VPS13D: variants seen among roughly 807,000 people sequenced by gnomAD.
VPS13D encodes the protein intermembrane lipid transfer protein VPS13D.
Under a neutral mutation model 461.9 loss-of-function variants are expected in VPS13D, and 187 were observed. That is an observed-to-expected ratio of 0.40 (90% CI 0.36 to 0.46). The LOEUF (loss-of-function observed/expected upper bound fraction) is 0.46, where lower values mean the gene tolerates loss of function less well. Among genes scored for constraint, VPS13D ranks in the 20% least tolerant of loss-of-function variants. The pLI is 0.60. For missense variants in VPS13D, 4,711 were observed against 5,364.9 expected, an observed-to-expected ratio of 0.88 and a Z score of 3.81; for synonymous variants, 1,951 against 1,986.3, an observed-to-expected ratio of 0.98 and a Z score of 0.47.
At position 12,279,885 on chromosome 1, in the gene VPS13D, C is replaced by T. The variant is rs1049698766; in HGVS notation, c.4602+235C>T. On this transcript the variant is annotated intron_variant, in intron 20 of 69. Coordinates refer to ENST00000620676, the MANE Select transcript of VPS13D (RefSeq NM_015378.4). This position sits in a 1 kb window ranked among gnomAD's most constrained non-coding sequence, Gnocchi z 4.3. ...GAGGGGTGGGTTATCTAGAGGAAGA[C>T]GGCAGATTCTTAATTCCATTGACAT... Among the ~76,000 whole-genome samples, 4 of 152,114 alleles carry T rather than the reference C, an allele frequency of 2.6e-5. No homozygotes were observed. The highest frequency in any genetic ancestry group is 1.9e-4 in the East Asian group (1 of 5,186).
intron 24 of VPS13D, 117 bp downstream of exon 24, chr1:12,293,821 C>T: frequency 9.5e-7 from 1 of 1,050,080 alleles, no homozygotes; most frequent in Non-Finnish European, 1.3e-6. Flanking sequence ...AATATGTTCT[C>T]CGTGTAGATT....
intron 60 of VPS13D, among the ~76,000 whole-genome samples, chr1:12,398,752 G>A (rs1644533002): frequency 6.6e-6 from 1 of 152,168 alleles, no homozygotes; most frequent in Non-Finnish European, 1.5e-5. Flanking sequence ...TCCCGAGAAG[G>A]GAGTTGACCT....
chr1:12,346,532 A>T (rs1259919539), intron 43 of VPS13D, 73 bp from the exon 44 acceptor site: 4 of 1,506,732 alleles, frequency 2.7e-6, no homozygotes, highest in Non-Finnish European at 3.6e-6. Flanking sequence ...GAAGAAAATT[A>T]TGTTGTCATT....
At chr1:12,361,399 A>ATTTTT (rs1406588951) in intron 50 of VPS13D, among the ~76,000 whole-genome samples, 10 of 140,684 alleles carry the variant, frequency 7.1e-5, no homozygotes, top group South Asian at 4.5e-4. Context: ...TTATTTATTT[A>ATTTTT]TTTATTTTTT....
chr1:12,311,411 T>G, intron 27 of VPS13D, 43 bp from the exon 28 acceptor site: 1 of 1,566,160 alleles, frequency 6.4e-7, no homozygotes, highest in Non-Finnish European at 8.6e-7. Flanking sequence ...CAGTGTTAAG[T>G]TAGTGACTTG....
intron 65 of VPS13D, among the ~76,000 whole-genome samples, chr1:12,447,595 T>A (rs1645209462): frequency 6.6e-6 from 1 of 152,212 alleles, no homozygotes; most frequent in African/African-American, 2.4e-5. Flanking sequence ...ACGGATTTCT[T>A]TCTAAAAACC....
At position 12,299,215 on chromosome 1, in the gene VPS13D, C is replaced by T. The variant is rs1642355433; in HGVS notation, c.6047C>T (p.Ala2016Val). 6.2e-7 allele frequency: 1 copy of T among 1,610,692 alleles called. No individual in the cohort carries two copies. The highest frequency in any genetic ancestry group is 1.3e-5 in the African/African-American group (1 of 74,754). The change falls in exon 25 of 70, where the codon GCC (alanine) becomes GTC (valine). Residue 2016 changes from alanine (A) to valine (V), a missense_variant. Transcript: ENST00000620676. This position sits in a 1 kb window ranked among gnomAD's most constrained non-coding sequence, Gnocchi z 4.2. Reference protein sequence around the residue: ...AIEGQTVRDQAQRCSRVLLDI... With the variant: ...AIEGQTVRDQVQRCSRVLLDI... Reference sequence around the variant, plus strand: ...TTCCTCTTTCAGGTGAGAGATCAAGCCCAGCGCTGTTCACGGGTTCTCCTG... The same window carrying T: ...TTCCTCTTTCAGGTGAGAGATCAAGTCCAGCGCTGTTCACGGGTTCTCCTG...
rs1642033009 is a variant in VPS13D, at chr1:12,288,392, C to T, written c.5725+79C>T. The T allele has an allele frequency of 8.6e-6, 11 of 1,281,380 alleles. No individual in the cohort carries two copies. In the South Asian group the frequency reaches 9.6e-5, roughly 11 times the overall value. 79.4% of individuals were successfully genotyped at this position (1,281,380 alleles called of 1,614,324 possible). A position where few individuals can be genotyped will look rare whatever the true frequency, so the allele number is the denominator to read the frequency against. ...AACATTGTGATCACAAATTGATTGT[C>T]CTCACGTGCTGAGTAAGGTGTGGCA... is the stretch of plus-strand genomic sequence containing the variant. On this transcript the variant is annotated intron_variant, in intron 22 of 69. Transcript: ENST00000620676.
intron 5 of VPS13D, among the ~76,000 whole-genome samples, chr1:12,248,183 C>T (rs979720890): frequency 2.0e-5 from 3 of 152,092 alleles, no homozygotes; most frequent in African/African-American, 7.2e-5. Context: ...TCCACCGTGC[C>T]TGGCCATCCT....
intron 29 of VPS13D, 130 bp downstream of exon 29, chr1:12,312,055 TGG>T: frequency 8.7e-5 from 52 of 598,014 alleles, no homozygotes; most frequent in Middle Eastern, 4.8e-4. Flanking sequence ...GAGTGTCTTT[TGG>T]TTGATCTACA....
Position 12,378,513 on chromosome 1 carries a change from A to G in VPS13D, c.11003A>G (p.Asn3668Ser). 1 of 1,612,660 alleles carries G rather than the reference A, an allele frequency of 6.2e-7. No homozygotes were observed. ...HEGSSVPHNP[N>S]KPSAARSTEG... Reference sequence around the variant, plus strand: ...GGCTCCTCAGTTCCTCACAATCCCAATAAGCCCTCAGCCGCCCGCTCCACC... The same window carrying G: ...GGCTCCTCAGTTCCTCACAATCCCAGTAAGCCCTCAGCCGCCCGCTCCACC... Residue 3668 changes from asparagine to serine, a missense_variant, in exon 56 of 70, where the codon AAT becomes AGT. Around this residue, in one of 3 missense-constraint regions of VPS13D, gnomAD observed 4,411 missense variants for 4,937.8 expected, o/e 0.89. Coordinates refer to ENST00000620676, the MANE Select transcript of VPS13D (RefSeq NM_015378.4).
At chr1:12,346,917 T>C (rs1160697246) in intron 44 of VPS13D, among the ~76,000 whole-genome samples, 2 of 152,212 alleles carry the variant, frequency 1.3e-5, no homozygotes, top group Non-Finnish European at 2.9e-5. Context: ...TCCTTTTCAT[T>C]CTAAGTTAAA....
chr1:12,398,677 C>T (rs901942803), intron 60 of VPS13D, among the ~76,000 whole-genome samples: 5 of 152,180 alleles, frequency 3.3e-5, no homozygotes, highest in Admixed American at 1.3e-4. Context: ...TCTGTGATGG[C>T]ACTGATACTG....
intron 67 of VPS13D, among the ~76,000 whole-genome samples, chr1:12,483,727 C>T (rs541391328): frequency 7.3e-5 from 11 of 151,556 alleles, no homozygotes; most frequent in Admixed American, 2.0e-4. Flanking sequence ...CAGCCAGGCA[C>T]GGTGGCTCAC....
rs754269483 is a variant in VPS13D at position 12,275,858 on chromosome 1, C to G, written c.2270C>G (p.Ala757Gly). ...NSRRKSRDGS[A>G]SEETQFSDDE... is the part of the protein sequence containing the mutation. The stretch of plus-strand genomic sequence containing the variant: ...AGGAGGAAAAGTAGGGATGGGTCAG[C>G]ATCTGAAGAGACCCAGTTTAGTGAT... The change falls in exon 19 of 70, where the codon GCA becomes GGA. Residue 757 changes from alanine (A) to glycine (G), a missense_variant. Transcript: ENST00000620676. 6.2e-6 allele frequency: 10 copies of G among 1,610,802 alleles called. No individual in the cohort carries two copies. The highest frequency in any genetic ancestry group is 1.1e-5 in the South Asian group (1 of 90,602).
At chr1:12,308,809 G>A (rs1238462284) in intron 27 of VPS13D, among the ~76,000 whole-genome samples, 168 bp downstream of exon 27, 1 of 152,040 alleles carries the variant, frequency 6.6e-6, no homozygotes, top group East Asian at 1.9e-4. Flanking sequence ...ATGCTACCAT[G>A]CCCGGCTAAT....
Position 12,276,379 on chromosome 1 carries a change from G to GT in VPS13D, c.2792dup (p.Met932AsnfsTer29), listed in dbSNP as rs1557680106. 1 of 1,614,150 alleles carries GT rather than the reference G, an allele frequency of 6.2e-7. No homozygotes were observed. On this transcript the variant is annotated frameshift_variant, in exon 19 of 70. Transcript: ENST00000620676. LOFTEE classifies it high-confidence loss of function. The surrounding 1 kb of genome is among the most constrained non-coding windows in gnomAD (Gnocchi z 4.5). ...GCAGCGGGGAAGTTTGCAAGACTCC[G>GT]TAATGAATTTAACCCAGAGCATTGT...
At chr1:12,436,914 C>T (rs979970670) in intron 65 of VPS13D, among the ~76,000 whole-genome samples, 3 of 152,176 alleles carry the variant, frequency 2.0e-5, no homozygotes, top group Non-Finnish European at 1.5e-5. Flanking sequence ...GTGATCCACC[C>T]ACCTCAGCCT....
At chr1:12,307,717 C>T (rs1347886547) in intron 26 of VPS13D, among the ~76,000 whole-genome samples, 3 of 152,138 alleles carry the variant, frequency 2.0e-5, no homozygotes, top group Non-Finnish European at 2.9e-5. Flanking sequence ...GTCTTGAACT[C>T]CTGACCTCAG....
Sources: allele counts gnomAD v4.1 joint callset (sites outside exome capture counted in the v4.1 genomes callset), GRCh38; gene constraint gnomAD v4.1.1; regional missense constraint gnomAD v4.1.1; non-coding constraint Gnocchi (gnomAD v3.1); transcripts MANE v1.5; gene names NCBI Gene and HGNC (gene_info 2026-07-23, HGNC 2026-07-21).